Variants in PIGU observed in about 807,000 individuals in gnomAD.
PIGU encodes phosphatidylinositol glycan anchor biosynthesis class U, also known as GPI-anchor transamidase component PIGU.
Under a neutral mutation model 49.9 loss-of-function variants are expected in PIGU, and 24 were observed. The ratio of observed to expected loss-of-function variants is 0.48; its 90% CI spans 0.35 to 0.68. The LOEUF is 0.68. PIGU is among the 30% of genes least tolerant of loss of function. The probability of loss-of-function intolerance (pLI) is 0.01; values close to 1 mark genes in which losing one functional copy is unlikely to be tolerated. For synonymous variants in PIGU, 220 were observed against 205.7 expected (o/e 1.07, Z -0.59); for missense variants, 490 against 532.6 (o/e 0.92, Z 0.79).
intron 7 of PIGU, among the ~76,000 whole-genome samples, chr20:34,591,608 G>T (rs1254105533): frequency 6.6e-6 from 1 of 152,066 alleles, no homozygotes; most frequent in African/African-American, 2.4e-5. Context: ...TTAATGAAAA[G>T]ATAACGTAAA....
chr20:34,658,151 C>A (rs1421304985), intron 1 of PIGU, among the ~76,000 whole-genome samples: 1 of 152,254 alleles, frequency 6.6e-6, no homozygotes, highest in Admixed American at 6.5e-5. Context: ...CGCCGCCACG[C>A]CTGACTGGTT....
intron 11 of PIGU, 50 bp from the exon 12 acceptor site, chr20:34,561,029 C>T (rs1325877677): frequency 7.5e-7 from 1 of 1,328,910 alleles, no homozygotes; most frequent in Middle Eastern, 1.8e-4. Flanking sequence ...TCCCCCTAAA[C>T]CCAGGATCCC....
At chr20:34,562,540 G>T in intron 11 of PIGU, 1 of 1,289,368 alleles carries the variant, frequency 7.8e-7, no homozygotes, top group Non-Finnish European at 1.0e-6. Context: ...ACAAGTACCT[G>T]CCATTCTATC....
intron 1 of PIGU, among the ~76,000 whole-genome samples, chr20:34,668,483 A>AAAAAAAAAAAG (rs1412365978): frequency 4.5e-5 from 4 of 88,714 alleles, no homozygotes; most frequent in Non-Finnish European, 5.9e-5. Flanking sequence ...AAAAAAAAAA[A>AAAAAAAAAAAG]GGGGGGGGCG....
intron 10 of PIGU, chr20:34,578,883 G>T (rs1001722803): frequency 3.3e-5 from 5 of 152,184 alleles, no homozygotes; most frequent in Non-Finnish European, 5.9e-5. Flanking sequence ...CATCAGACTT[G>T]CGAGGCCAGA....
At chr20:34,642,638 A>G (rs1176434990) in intron 4 of PIGU, among the ~76,000 whole-genome samples, 1 of 132,678 alleles carries the variant, frequency 7.5e-6, no homozygotes, top group African/African-American at 2.9e-5. Flanking sequence ...TCTATATCAC[A>G]CATATATATA....
chr20:34,666,778 A>C (rs1477189831), intron 1 of PIGU, among the ~76,000 whole-genome samples: 1 of 142,130 alleles, frequency 7.0e-6, no homozygotes, highest in Non-Finnish European at 1.5e-5. Context: ...CTCACTGCAA[A>C]CTCCACCTCC....
chr20:34,561,700 C>T (rs564788771), intron 11 of PIGU, among the ~76,000 whole-genome samples: 30 of 152,252 alleles, frequency 2.0e-4, no homozygotes, highest in African/African-American at 7.0e-4. Flanking sequence ...CGAACTCCCT[C>T]GTGCTCTGAG....
At chr20:34,606,953 G>A (rs1388598149) in intron 7 of PIGU, among the ~76,000 whole-genome samples, 2 of 152,104 alleles carry the variant, frequency 1.3e-5, no homozygotes, top group African/African-American at 4.8e-5. Context: ...TAGAGACAGG[G>A]TTTCACCACC....
intron 1 of PIGU, among the ~76,000 whole-genome samples, chr20:34,658,566 G>A (rs1354138925): frequency 9.2e-5 from 14 of 151,630 alleles, no homozygotes; most frequent in Non-Finnish European, 1.5e-4. Flanking sequence ...CTGCCCGGCC[G>A]CCCATCGTCT....
chr20:34,593,580 CA>C (rs1437834395), intron 7 of PIGU, among the ~76,000 whole-genome samples: 6 of 152,062 alleles, frequency 3.9e-5, no homozygotes, highest in Non-Finnish European at 8.8e-5. Context: ...ATACATATGG[CA>C]ATTTAGTATA....
At chr20:34,630,691 AG>A (rs1370470309) in intron 6 of PIGU, among the ~76,000 whole-genome samples, 2 of 152,074 alleles carry the variant, frequency 1.3e-5, no homozygotes, top group Non-Finnish European at 2.9e-5. Flanking sequence ...CTGTCACCCA[AG>A]CTGGAGTACA....
At chr20:34,639,613 C>CAA (rs1600651382) in intron 4 of PIGU, among the ~76,000 whole-genome samples, 1 of 151,960 alleles carries the variant, frequency 6.6e-6, no homozygotes, top group South Asian at 2.1e-4. Flanking sequence ...TATGCTTTAT[C>CAA]TATTTTTGCA....
At chr20:34,629,172 C>T (rs940388660) in intron 6 of PIGU, among the ~76,000 whole-genome samples, 3 of 152,024 alleles carry the variant, frequency 2.0e-5, no homozygotes, top group Admixed American at 1.3e-4. Context: ...CCTGTCACCA[C>T]GCCCAGCTAA....
chr20:34,622,674 T>C (rs948471770), intron 6 of PIGU, among the ~76,000 whole-genome samples: 1 of 152,008 alleles, frequency 6.6e-6, no homozygotes, highest in African/African-American at 2.4e-5. Context: ...GGCAGCCTCA[T>C]GTGGGCAAGA....
At chr20:34,672,058 C>T (rs759801644) in intron 1 of PIGU, among the ~76,000 whole-genome samples, 5 of 152,152 alleles carry the variant, frequency 3.3e-5, no homozygotes, top group Non-Finnish European at 7.3e-5. Flanking sequence ...CCTGCCTTAG[C>T]GTCCCGAGTA....
intron 7 of PIGU, among the ~76,000 whole-genome samples, chr20:34,591,016 G>A (rs867846577): frequency 2.8e-5 from 3 of 106,924 alleles, no homozygotes; most frequent in African/African-American, 6.7e-5. Context: ...GCGAGACTCC[G>A]TCTCGAAAAA....
At chr20:34,622,516 CA>C (rs1168141496) in intron 6 of PIGU, among the ~76,000 whole-genome samples, 1 of 149,600 alleles carries the variant, frequency 6.7e-6, no homozygotes, top group Non-Finnish European at 1.5e-5. Flanking sequence ...GAGTCCGTCT[CA>C]AAAAAAACAA....
chr20:34,634,519 C>T, intron 6 of PIGU, 96 bp downstream of exon 6: 2 of 1,400,684 alleles, frequency 1.4e-6, no homozygotes, highest in Non-Finnish European at 9.4e-7. Flanking sequence ...TTAAGTGTTG[C>T]ATTAAAAAAA....
Sources: allele counts gnomAD v4.1 joint callset (sites outside exome capture counted in the v4.1 genomes callset), GRCh38; gene constraint gnomAD v4.1.1; transcripts MANE v1.5; gene names NCBI Gene and HGNC (gene_info 2026-07-23, HGNC 2026-07-21).